The following CSMD1 variants were observed in gnomAD, a reference collection of about 807,000 sequenced individuals.
CSMD1 encodes the protein CUB and sushi domain-containing protein 1.
In CSMD1, 213 loss-of-function variants were observed where a neutral mutation model predicts 417.5. The observed-to-expected ratio is 0.51, with a 90% confidence interval of 0.46 to 0.57. CSMD1 has a LOEUF of 0.57. Among genes scored for constraint, CSMD1 ranks in the 20% least tolerant of loss-of-function variants. The pLI is 0.00. For synonymous variants in CSMD1, 2,862 were observed against 1,736.8 expected, an observed-to-expected ratio of 1.65 and a Z score of -16.11; for missense variants, 6,923 against 4,529.7, an observed-to-expected ratio of 1.53 and a Z score of -15.17.
intron 3 of CSMD1, among the ~76,000 whole-genome samples, chr8:4,344,457 T>C (rs1409922909): frequency 6.6e-6 from 1 of 151,984 alleles, no homozygotes; most frequent in Non-Finnish European, 1.5e-5. Context: ...AAAGATGCAT[T>C]CTTTTACAAA....
chr8:4,222,639 C>T (rs1189925992), intron 3 of CSMD1, among the ~76,000 whole-genome samples: 2 of 152,186 alleles, frequency 1.3e-5, no homozygotes, highest in South Asian at 4.1e-4. Context: ...ATTTAAATTT[C>T]TGAATCAATG....
At chr8:4,689,213 T>C (rs189451069) in intron 1 of CSMD1, among the ~76,000 whole-genome samples, 87 of 152,292 alleles carry the variant, frequency 5.7e-4, no homozygotes, top group Middle Eastern at 3.4e-3. Flanking sequence ...CAGATCCTAC[T>C]GTGAGGTGAT....
At chr8:4,312,925 C>T (rs1034385079) in intron 3 of CSMD1, among the ~76,000 whole-genome samples, 1 of 152,074 alleles carries the variant, frequency 6.6e-6, no homozygotes, top group Non-Finnish European at 1.5e-5. Flanking sequence ...CACTGATTGG[C>T]ATAAATAATT....
intron 5 of CSMD1, among the ~76,000 whole-genome samples, chr8:3,956,939 G>C (rs1206792078): frequency 6.6e-6 from 1 of 152,106 alleles, no homozygotes. Flanking sequence ...TATCTAAAAA[G>C]AATATTACTT....
chr8:3,564,673 T>A (rs934065759), intron 10 of CSMD1, among the ~76,000 whole-genome samples: 3 of 151,880 alleles, frequency 2.0e-5, no homozygotes, highest in African/African-American at 7.3e-5. Context: ...TGAGGTGTTA[T>A]AAGAAAATCA....
At chr8:3,624,955 T>A (rs200200204) in intron 7 of CSMD1, among the ~76,000 whole-genome samples, 1 of 152,176 alleles carries the variant, frequency 6.6e-6, no homozygotes, top group Non-Finnish European at 1.5e-5. Context: ...ATAACTTGAT[T>A]AGATGACAAT....
intron 25 of CSMD1, among the ~76,000 whole-genome samples, chr8:3,285,025 G>T (rs1281502241): frequency 3.3e-5 from 5 of 152,132 alleles, no homozygotes; most frequent in Middle Eastern, 3.2e-3. Context: ...ACATTCAGAG[G>T]CAGCAGGATC....
intron 3 of CSMD1, among the ~76,000 whole-genome samples, chr8:4,312,060 A>G (rs1798614183): frequency 6.6e-6 from 1 of 152,186 alleles, no homozygotes; most frequent in Admixed American, 6.5e-5. Context: ...TCTAGCTAGT[A>G]AAGAAATACG....
intron 5 of CSMD1, among the ~76,000 whole-genome samples, chr8:3,878,057 T>C (rs545472080): frequency 2.6e-5 from 4 of 152,276 alleles, no homozygotes; most frequent in African/African-American, 7.2e-5. Context: ...TACATATTCA[T>C]GCTGGGTGGT....
At chr8:3,481,111 AG>A (rs1446702213) in intron 11 of CSMD1, among the ~76,000 whole-genome samples, 1 of 141,662 alleles carries the variant, frequency 7.1e-6, no homozygotes, top group African/African-American at 2.6e-5. Context: ...AGCCCAGATT[AG>A]CCACTGCACT....
intron 2 of CSMD1, among the ~76,000 whole-genome samples, chr8:4,563,900 T>C (rs918527750): frequency 2.0e-5 from 3 of 152,148 alleles, no homozygotes; most frequent in African/African-American, 4.8e-5. Context: ...TCACTTTATT[T>C]AAAATGTTTC....
intron 3 of CSMD1, among the ~76,000 whole-genome samples, chr8:4,131,891 T>C (rs1803130245): frequency 6.6e-6 from 1 of 151,528 alleles, no homozygotes; most frequent in African/African-American, 2.4e-5. Flanking sequence ...GTCTCCCATG[T>C]AGCTGGGACT....
intron 10 of CSMD1, among the ~76,000 whole-genome samples, chr8:3,504,087 C>G (rs1477671811): frequency 6.6e-6 from 1 of 151,972 alleles, no homozygotes. Context: ...AGCAAGAAAA[C>G]AGGAATTTAA....
chr8:2,993,914 C>T (rs1026576325), intron 54 of CSMD1, among the ~76,000 whole-genome samples: 2 of 151,156 alleles, frequency 1.3e-5, no homozygotes, highest in African/African-American at 2.4e-5. Context: ...CTCCTGTAAT[C>T]CCAGCACTTT....
At chr8:4,111,479 T>C (rs753946991) in intron 3 of CSMD1, among the ~76,000 whole-genome samples, 3 of 152,186 alleles carry the variant, frequency 2.0e-5, no homozygotes, top group African/African-American at 4.8e-5. Flanking sequence ...AGTATGTTCA[T>C]TGCAGCACTA....
intron 3 of CSMD1, among the ~76,000 whole-genome samples, chr8:4,096,670 G>T (rs1165946265): frequency 6.6e-6 from 1 of 152,114 alleles, no homozygotes; most frequent in Non-Finnish European, 1.5e-5. Flanking sequence ...AGAACATAAG[G>T]CAACAAATTC....
At chr8:3,395,425 G>A (rs1438219704) in intron 17 of CSMD1, among the ~76,000 whole-genome samples, 1 of 151,824 alleles carries the variant, frequency 6.6e-6, no homozygotes, top group Non-Finnish European at 1.5e-5. Flanking sequence ...TATTCCTAGG[G>A]GTGATTCCCA....
chr8:3,849,100 T>C (rs1392488265), intron 5 of CSMD1, among the ~76,000 whole-genome samples: 1 of 152,144 alleles, frequency 6.6e-6, no homozygotes, highest in Admixed American at 6.5e-5. Flanking sequence ...AGGGATACTT[T>C]TGTAACAGAA....
At chr8:3,744,445 A>G (rs1002072891) in intron 6 of CSMD1, among the ~76,000 whole-genome samples, 2 of 152,222 alleles carry the variant, frequency 1.3e-5, no homozygotes, top group African/African-American at 4.8e-5. Flanking sequence ...CCAGGAAAAA[A>G]GTCTAGGAAA....
Sources: gnomAD v4.1 joint callset for allele counts (sites outside exome capture counted in the v4.1 genomes callset) on GRCh38, gnomAD v4.1.1 for gene constraint, MANE v1.5 for transcripts, NCBI Gene and HGNC (gene_info 2026-07-23, HGNC 2026-07-21) for gene names.